FAF1: variants seen among roughly 807,000 people sequenced by gnomAD.
FAF1 encodes the protein Fas associated factor 1.
In FAF1, 25 loss-of-function variants were observed where a neutral mutation model predicts 92.5. The observed-to-expected ratio is 0.27, with a 90% confidence interval of 0.20 to 0.38. The LOEUF is 0.38. Among genes scored for constraint, FAF1 ranks in the 10% least tolerant of loss-of-function variants. The pLI is 1.00. For synonymous variants in FAF1, 234 were observed against 273.2 expected, an observed-to-expected ratio of 0.86 and a Z score of 1.42; for missense variants, 636 against 793.3, an observed-to-expected ratio of 0.80 and a Z score of 2.38.
At chr1:50,805,720 A>T (rs1041121751) in intron 2 of FAF1, among the ~76,000 whole-genome samples, 1 of 152,210 alleles carries the variant, frequency 6.6e-6, no homozygotes, top group African/African-American at 2.4e-5. Flanking sequence ...TAAACAAAAG[A>T]CCCTTAAAGA....
chr1:50,858,106 A>T, intron 1 of FAF1, 109 bp from the exon 2 acceptor site: 1 of 671,908 alleles, frequency 1.5e-6, no homozygotes, highest in Non-Finnish European at 2.5e-6. Flanking sequence ...AAATAGGTAT[A>T]TGAATAAAGC....
intron 8 of FAF1, chr1:50,606,830 C>T (rs1350649616): frequency 6.6e-6 from 1 of 152,102 alleles, no homozygotes; most frequent in South Asian, 2.1e-4. Flanking sequence ...GGGCCCATAT[C>T]TTATATCACT....
intron 9 of FAF1, among the ~76,000 whole-genome samples, chr1:50,586,470 G>C (rs974993153): frequency 6.6e-6 from 1 of 152,128 alleles, no homozygotes; most frequent in African/African-American, 2.4e-5. Flanking sequence ...GCATACCCAA[G>C]CATTAATGCA....
chr1:50,441,033 AAAAT>A lies in FAF1; in HGVS notation c.*403_*406del, dbSNP rs1646161178. The stretch of plus-strand genomic sequence containing the variant: ...GTGATGAAGTAGAAATTCAGTCATG[AAAAT>A]AAAAAGACATATATCAAATATACAG... On this transcript the variant is annotated 3_prime_UTR_variant, in exon 19 of 19. Transcript: ENST00000396153. 6.3e-6 allele frequency: 1 copy of A among 157,768 alleles called. No individual in the cohort carries two copies. The allele number at this position is 157,768 out of a possible 1,614,324, so 9.8% of individuals were successfully genotyped here.
chr1:50,774,392 C>T (rs1277729058), intron 4 of FAF1, among the ~76,000 whole-genome samples: 4 of 152,174 alleles, frequency 2.6e-5, no homozygotes, highest in Admixed American at 6.5e-5. Flanking sequence ...GTCACAGAGT[C>T]GAGATCAGAA....
intron 12 of FAF1, among the ~76,000 whole-genome samples, chr1:50,568,657 G>A (rs1427539951): frequency 6.6e-6 from 1 of 152,062 alleles, no homozygotes; most frequent in Non-Finnish European, 1.5e-5. Context: ...GGAAACTGAG[G>A]TTTAGAAAGC....
chr1:50,614,364 T>C (rs920589699), intron 8 of FAF1, among the ~76,000 whole-genome samples: 7 of 152,118 alleles, frequency 4.6e-5, no homozygotes, highest in African/African-American at 1.7e-4. Flanking sequence ...AAAACTAGTT[T>C]ACCTGTAACT....
intron 12 of FAF1, 44 bp from the exon 13 acceptor site, chr1:50,567,275 T>C (rs1650218145): frequency 6.8e-7 from 1 of 1,476,870 alleles, no homozygotes; most frequent in Non-Finnish European, 9.2e-7. Flanking sequence ...TATCCACTAA[T>C]GTAAGATTTC....
Position 50,960,037 on chromosome 1 carries a change from T to C in FAF1, c.-226A>G, listed in dbSNP as rs1476426228. 1.5e-5 allele frequency: 6 copies of C among 395,110 alleles called. No homozygotes were observed. The highest frequency in any genetic ancestry group is 2.7e-5 in the Non-Finnish European group (6 of 223,978). The allele number at this position is 395,110 out of a possible 1,614,324, so 24.5% of individuals were successfully genotyped here. A position where few individuals can be genotyped will look rare whatever the true frequency, so the allele number is the denominator to read the frequency against. On this transcript the variant is annotated 5_prime_UTR_variant, in exon 1 of 19. Coordinates refer to ENST00000396153, the MANE Select transcript of FAF1 (RefSeq NM_007051.3). ...GCGCCCCGGCCGCCCGCCTGCAACC[T>C]GCGGAGCCCGCGTCGCAGCAGCCCG... is the stretch of plus-strand genomic sequence containing the variant.
intron 2 of FAF1, among the ~76,000 whole-genome samples, chr1:50,806,545 T>C (rs1359844277): frequency 6.6e-6 from 1 of 152,162 alleles, no homozygotes; most frequent in Non-Finnish European, 1.5e-5. Flanking sequence ...CCTGCCACAC[T>C]ACCACAGCTG....
intron 1 of FAF1, among the ~76,000 whole-genome samples, chr1:50,951,336 C>A (rs1645212587): frequency 6.6e-6 from 1 of 152,346 alleles, no homozygotes; most frequent in East Asian, 1.9e-4. Context: ...AACTGGTAAG[C>A]TTCAAATAGA....
At chr1:50,654,971 CTTTTTTTTTTT>C (rs569202434) in intron 8 of FAF1, among the ~76,000 whole-genome samples, 1 of 137,888 alleles carries the variant, frequency 7.3e-6, no homozygotes. Flanking sequence ...TTAGATATTT[CTTTTTTTTTTT>C]TTTTTGAGAT....
intron 8 of FAF1, among the ~76,000 whole-genome samples, chr1:50,609,934 T>C (rs1420965470): frequency 2.0e-5 from 3 of 152,186 alleles, no homozygotes; most frequent in Non-Finnish European, 4.4e-5. Flanking sequence ...TTAGCTTCTA[T>C]AGCCAGGAAA....
chr1:50,858,078 A>C, intron 1 of FAF1, 81 bp from the exon 2 acceptor site: 1 of 936,912 alleles, frequency 1.1e-6, no homozygotes, highest in Admixed American at 2.5e-5. Flanking sequence ...TAAATAGCAT[A>C]ATATGTAATT....
At chr1:50,536,037 T>C (rs895884524) in intron 14 of FAF1, among the ~76,000 whole-genome samples, 2 of 152,192 alleles carry the variant, frequency 1.3e-5, no homozygotes, top group African/African-American at 4.8e-5. Flanking sequence ...CTCAGTCTAT[T>C]ACCTTTACTT....
chr1:50,840,009 T>A (rs1644243031), intron 2 of FAF1, among the ~76,000 whole-genome samples: 1 of 151,954 alleles, frequency 6.6e-6, no homozygotes, highest in Non-Finnish European at 1.5e-5. Flanking sequence ...GGAATAAGCT[T>A]TTCAAAACTG....
In FAF1 at chr1:50,756,223, T is replaced by A. The variant is rs1660068078; in HGVS notation, c.368-11448A>T. 2.0e-5 allele frequency among the ~76,000 whole-genome samples: 3 copies of A among 152,316 alleles called. No homozygotes were observed. The South Asian group carries it at 6.2e-4, about 32-fold the overall frequency. On this transcript the variant is annotated intron_variant, in intron 4 of 18. Transcript: ENST00000396153. Reference sequence around the variant, plus strand: ...GCACCCAAGTCACCTCTTGAACACTTTGCTGCTTAGAAATTTCTTCTGCCA... The same window carrying A: ...GCACCCAAGTCACCTCTTGAACACTATGCTGCTTAGAAATTTCTTCTGCCA...
chr1:50,719,046 T>C (rs1658303179), intron 6 of FAF1, among the ~76,000 whole-genome samples: 3 of 152,240 alleles, frequency 2.0e-5, no homozygotes, highest in Admixed American at 1.3e-4. Flanking sequence ...TAGGTTCAAA[T>C]AGCAATCAGT....
In FAF1 at chr1:50,881,081, A is replaced by C. The variant is rs552016084; in HGVS notation, c.46-23084T>G. Among the ~76,000 whole-genome samples the C allele has an allele frequency of 7.2e-5, 11 of 152,346 alleles. No individual in the cohort carries two copies. The South Asian group carries it at 2.3e-3, about 32-fold the overall frequency. ...GTTCAAACATTAGTACTGTTTAAAA[A>C]GCTCCCCAGGTGATTCTAATGAGTG... is the stretch of plus-strand genomic sequence containing the variant. On this transcript the variant is annotated intron_variant, in intron 1 of 18. Coordinates refer to ENST00000396153, the MANE Select transcript of FAF1 (RefSeq NM_007051.3).
Sources: allele counts gnomAD v4.1 joint callset (sites outside exome capture counted in the v4.1 genomes callset), GRCh38; gene constraint gnomAD v4.1.1; transcripts MANE v1.5; gene names NCBI Gene and HGNC (gene_info 2026-07-23, HGNC 2026-07-21).